OCA2: variants seen among roughly 807,000 people sequenced by gnomAD.
The protein encoded by OCA2 is P protein.
A neutral mutation model predicts 100.2 loss-of-function variants in OCA2; 77 were observed. That is an observed-to-expected ratio of 0.77 (90% confidence interval 0.64 to 0.93). The LOEUF (loss-of-function observed/expected upper bound fraction) is 0.93, where lower values mean the gene tolerates loss of function less well. Among genes scored for constraint, OCA2 ranks in the 40% least tolerant of loss-of-function variants. OCA2 has a pLI of 0.00. For missense variants in OCA2, 1,062 were observed against 1,089.1 expected (o/e 0.98, Z 0.35); for synonymous variants, 432 against 439.2 (o/e 0.98, Z 0.21).
At chr15:27,935,422 C>T (rs2039417673) in intron 18 of OCA2, among the ~76,000 whole-genome samples, 1 of 152,202 alleles carries the variant, frequency 6.6e-6, no homozygotes, top group Non-Finnish European at 1.5e-5. Context: ...AAAGGAGCCT[C>T]TTTTCCCTCA....
At chr15:28,004,001 G>A (rs1411434697) in intron 9 of OCA2, among the ~76,000 whole-genome samples, 1 of 152,216 alleles carries the variant, frequency 6.6e-6, no homozygotes, top group South Asian at 2.1e-4. Flanking sequence ...GCGCGCCCGC[G>A]CGGAAACACC....
chr15:27,896,444 C>A, intron 19 of OCA2: 1 of 659,650 alleles, frequency 1.5e-6, no homozygotes, highest in Non-Finnish European at 2.8e-6. Context: ...GAGAGAATCC[C>A]ATCTAGGAGA....
chr15:27,725,431 G>A, the OCA2 span, among the ~76,000 whole-genome samples: 1 of 152,170 alleles, frequency 6.6e-6, no homozygotes, highest in African/African-American at 2.4e-5. Flanking sequence ...AGCTGAGCAT[G>A]ATGGTGGGTG....
intron 9 of OCA2, among the ~76,000 whole-genome samples, chr15:28,005,308 A>G (rs936388710): frequency 6.6e-6 from 1 of 151,936 alleles, no homozygotes; most frequent in Non-Finnish European, 1.5e-5. Flanking sequence ...CGTCTCCCCA[A>G]GCCCACATCT....
intron 23 of OCA2, chr15:27,776,470 T>C (rs1039567336): frequency 1.3e-5 from 2 of 152,408 alleles, no homozygotes; most frequent in Non-Finnish European, 2.9e-5. Context: ...CAGCCCAGGA[T>C]GTGTTGAGTT....
chr15:27,987,516 G>C (rs535629295), intron 11 of OCA2, among the ~76,000 whole-genome samples: 199 of 150,914 alleles, frequency 1.3e-3, no homozygotes, highest in Non-Finnish European at 2.1e-3. Context: ...TCAGGAGATC[G>C]AGACCCTCCT....
chr15:28,085,562 C>A (rs901330135), intron 1 of OCA2, among the ~76,000 whole-genome samples: 9 of 152,098 alleles, frequency 5.9e-5, no homozygotes, highest in Non-Finnish European at 1.3e-4. Context: ...GCTGTGCTGG[C>A]AAAACTAGAA....
intron 23 of OCA2, among the ~76,000 whole-genome samples, chr15:27,835,196 A>G (rs1429946450): frequency 6.6e-6 from 1 of 152,252 alleles, no homozygotes; most frequent in East Asian, 1.9e-4. Context: ...TGGCTAAAGC[A>G]AAATGCAATT....
At chr15:27,944,881 C>T (rs1227558019) in intron 18 of OCA2, among the ~76,000 whole-genome samples, 2 of 152,170 alleles carry the variant, frequency 1.3e-5, no homozygotes, top group East Asian at 3.9e-4. Context: ...ACTCTGCCTC[C>T]ATAAATCTGG....
intron 2 of OCA2, among the ~76,000 whole-genome samples, chr15:28,070,028 G>A (rs1342980416): frequency 8.8e-4 from 93 of 105,378 alleles, no homozygotes; most frequent in African/African-American, 2.6e-3. Context: ...CATCGTCTGA[G>A]ATGTGGGGAG....
chr15:28,071,119 G>C (rs1018372504), intron 2 of OCA2, among the ~76,000 whole-genome samples: 1 of 137,868 alleles, frequency 7.3e-6, no homozygotes, highest in Non-Finnish European at 1.5e-5. Flanking sequence ...CCATGACCCT[G>C]CCAAATCCCC....
intron 23 of OCA2, among the ~76,000 whole-genome samples, chr15:27,793,944 G>A (rs992226339): frequency 2.6e-5 from 4 of 152,220 alleles, no homozygotes; most frequent in Non-Finnish European, 5.9e-5. Flanking sequence ...ACAATGAGGA[G>A]GCCCCCATCC....
At chr15:27,973,795 C>A (rs1285210449) in intron 14 of OCA2, among the ~76,000 whole-genome samples, 2 of 152,164 alleles carry the variant, frequency 1.3e-5, no homozygotes, top group Admixed American at 1.3e-4. Context: ...TTTTGTGATA[C>A]TGACTCTTCC....
chr15:28,097,966 GA>G (rs2045017296), intron 1 of OCA2, among the ~76,000 whole-genome samples: 1 of 152,186 alleles, frequency 6.6e-6, no homozygotes. Context: ...CTCCAGCATA[GA>G]AACGGGGACC....
intron 18 of OCA2, among the ~76,000 whole-genome samples, chr15:27,936,494 T>G (rs1300872569): frequency 1.3e-5 from 2 of 152,194 alleles, no homozygotes; most frequent in Non-Finnish European, 2.9e-5. Flanking sequence ...GAAAGACCAT[T>G]TTTTATAATC....
Position 28,022,484 on chromosome 15 carries a change from G to A in OCA2, c.646+17C>T, listed in dbSNP as rs755397070. On this transcript the variant is annotated intron_variant, in intron 6 of 23. Transcript: ENST00000354638. ...CTCAGCCAGGCGGCTGGCCATCTCA[G>A]AGTGGATTTTGGATACAGTAGTTCT... 1 of 1,596,462 alleles carries A rather than the reference G, an allele frequency of 6.3e-7. No homozygotes were observed. The highest frequency in any genetic ancestry group is 8.6e-7 in the Non-Finnish European group (1 of 1,163,894).
intron 23 of OCA2, among the ~76,000 whole-genome samples, chr15:27,808,180 T>C (rs1025377283): frequency 6.6e-6 from 1 of 152,204 alleles, no homozygotes; most frequent in Admixed American, 6.5e-5. Flanking sequence ...GGGAGAAACG[T>C]TTCCTTCTGC....
At chr15:27,865,635 C>G (rs755039614) in intron 21 of OCA2, among the ~76,000 whole-genome samples, 3 of 152,190 alleles carry the variant, frequency 2.0e-5, no homozygotes, top group Non-Finnish European at 2.9e-5. Flanking sequence ...ACCAGTTACT[C>G]TAAGGGTGTT....
At chr15:27,923,550 C>G (rs868421322) in intron 19 of OCA2, among the ~76,000 whole-genome samples, 5 of 152,132 alleles carry the variant, frequency 3.3e-5, no homozygotes, top group Middle Eastern at 3.2e-3. Context: ...TTAATAATAG[C>G]TATATGACTG....
Sources: allele counts gnomAD v4.1 joint callset (sites outside exome capture counted in the v4.1 genomes callset), GRCh38; gene constraint gnomAD v4.1.1; transcripts MANE v1.5; gene names NCBI Gene and HGNC (gene_info 2026-07-23, HGNC 2026-07-21).